CSNK1G3: variants seen among roughly 807,000 people sequenced by gnomAD.
CSNK1G3 encodes the protein casein kinase 1 gamma 3.
CSNK1G3 carries 23 observed loss-of-function variants against 64.3 expected under a neutral mutation model. That is an observed-to-expected ratio of 0.36 (90% CI 0.26 to 0.51). The LOEUF (loss-of-function observed/expected upper bound fraction) is 0.51. Among genes scored for constraint, CSNK1G3 ranks in the 20% least tolerant of loss-of-function variants. The pLI, the probability that CSNK1G3 is intolerant of heterozygous loss-of-function variation, is 0.96. For missense variants in CSNK1G3, 357 were observed against 510.5 expected, an observed-to-expected ratio of 0.70 and a Z score of 2.90; for synonymous variants, 158 against 162.2, an observed-to-expected ratio of 0.97 and a Z score of 0.20.
chr5:123,569,325 T>A (rs370460220), intron 4 of CSNK1G3, among the ~76,000 whole-genome samples: 2 of 152,240 alleles, frequency 1.3e-5, no homozygotes, highest in African/African-American at 4.8e-5. Context: ...TTTTAAATTA[T>A]GAATATGCCT....
intron 3 of CSNK1G3, among the ~76,000 whole-genome samples, chr5:123,555,838 A>T (rs1263764342): frequency 1.5e-4 from 23 of 152,030 alleles, no homozygotes; most frequent in Admixed American, 1.5e-3. Flanking sequence ...ATTTAATTTC[A>T]TTTGTGATTG....
chr5:123,599,163 A>C (rs932089329), intron 10 of CSNK1G3, among the ~76,000 whole-genome samples: 1 of 152,200 alleles, frequency 6.6e-6, no homozygotes, highest in African/African-American at 2.4e-5. Context: ...ATATAGAGGC[A>C]ACTGTAAGCA....
intron 4 of CSNK1G3, among the ~76,000 whole-genome samples, chr5:123,569,597 GC>G (rs1561540219): frequency 6.6e-6 from 1 of 152,056 alleles, no homozygotes; most frequent in Non-Finnish European, 1.5e-5. Flanking sequence ...ATCAGAACAA[GC>G]TTTTAAGTAT....
rs189284997 is a variant in CSNK1G3, at chr5:123,554,226, C to T, written c.219+1079C>T. 5.9e-5 allele frequency among the ~76,000 whole-genome samples: 9 copies of T among 152,280 alleles called. No individual in the cohort carries two copies. The East Asian group carries it at 1.7e-3, about 29-fold the overall frequency. ...CCATGAAGAGAGATTGGTTGGCTGA[C>T]ATGTGGCTTTAGACTGGATTTTACC... On this transcript the variant is annotated intron_variant, in intron 3 of 12. Coordinates refer to ENST00000345990, the Ensembl canonical transcript of CSNK1G3.
intron 12 of CSNK1G3, among the ~76,000 whole-genome samples, chr5:123,609,738 T>C (rs963765357): frequency 1.3e-5 from 2 of 152,136 alleles, no homozygotes; most frequent in Non-Finnish European, 2.9e-5. Flanking sequence ...TTTTTCTTAC[T>C]TTTCCCTTCC....
intron 4 of CSNK1G3, among the ~76,000 whole-genome samples, chr5:123,566,965 C>A (rs1173444947): frequency 2.0e-5 from 3 of 152,132 alleles, no homozygotes; most frequent in Admixed American, 2.0e-4. Context: ...CGTTTTCTTG[C>A]TGCTGATAAA....
exon 2 of CSNK1G3, chr5:123,545,542 A>G (rs996471614): frequency 1.3e-4 from 97 of 738,184 alleles, no homozygotes; most frequent in Admixed American, 3.0e-5. Flanking sequence ...ACCTACTGCA[A>G]TTTGAATGTT....
intron 2 of CSNK1G3, among the ~76,000 whole-genome samples, chr5:123,548,799 G>A (rs1783083922): frequency 6.6e-6 from 1 of 151,982 alleles, no homozygotes; most frequent in South Asian, 2.1e-4. Context: ...CCTTAAGATG[G>A]GTTTACATCC....
intron 1 of CSNK1G3, among the ~76,000 whole-genome samples, chr5:123,514,429 G>C (rs906027201): frequency 6.6e-6 from 1 of 152,196 alleles, no homozygotes; most frequent in Admixed American, 6.5e-5. Flanking sequence ...GTGGAATCAA[G>C]GAATAGTTTA....
At chr5:123,573,944 G>T (rs1279290101) in intron 5 of CSNK1G3, among the ~76,000 whole-genome samples, 2 of 151,552 alleles carry the variant, frequency 1.3e-5, no homozygotes, top group Non-Finnish European at 2.9e-5. Flanking sequence ...CTGCCTCCCG[G>T]GTTCAAGCAA....
intron 4 of CSNK1G3, among the ~76,000 whole-genome samples, chr5:123,572,488 G>T (rs189197415): frequency 1.9e-3 from 282 of 152,154 alleles, no homozygotes; most frequent in African/African-American, 6.7e-3. Context: ...AATTTCTATG[G>T]GTCAGGAATA....
intron 6 of CSNK1G3, among the ~76,000 whole-genome samples, chr5:123,583,064 T>G (rs1581265442): frequency 6.6e-6 from 1 of 152,210 alleles, no homozygotes; most frequent in East Asian, 1.9e-4. Context: ...CGAGATCACC[T>G]TATGACCGTG....
chr5:123,529,376 T>C (rs1376431234), intron 1 of CSNK1G3, among the ~76,000 whole-genome samples: 1 of 152,164 alleles, frequency 6.6e-6, no homozygotes, highest in Non-Finnish European at 1.5e-5. Flanking sequence ...AATCAGCTGT[T>C]TTTTTGGTTT....
intron 10 of CSNK1G3, among the ~76,000 whole-genome samples, chr5:123,596,404 T>G (rs1202310786): frequency 1.3e-5 from 2 of 152,256 alleles, no homozygotes; most frequent in Non-Finnish European, 2.9e-5. Flanking sequence ...TATCTGTATA[T>G]GTTTACATGT....
intron 1 of CSNK1G3, among the ~76,000 whole-genome samples, chr5:123,538,763 A>G (rs1372932045): frequency 1.3e-5 from 2 of 152,186 alleles, no homozygotes; most frequent in Non-Finnish European, 1.5e-5. Flanking sequence ...CTTATTGTTC[A>G]GTTGCAGCGT....
At chr5:123,554,825 T>A (rs1373524234) in intron 3 of CSNK1G3, among the ~76,000 whole-genome samples, 1 of 152,208 alleles carries the variant, frequency 6.6e-6, no homozygotes, top group Non-Finnish European at 1.5e-5. Flanking sequence ...GCTTTGTATG[T>A]GAATGATAGT....
intron 10 of CSNK1G3, chr5:123,595,062 G>A (rs777493741): frequency 1.2e-6 from 2 of 1,613,640 alleles, no homozygotes; most frequent in South Asian, 1.1e-5. Context: ...GGGCAGCTTG[G>A]GACTCCCAGC....
chr5:123,562,332 C>A (rs186776940), intron 4 of CSNK1G3, among the ~76,000 whole-genome samples: 1 of 152,128 alleles, frequency 6.6e-6, no homozygotes, highest in South Asian at 2.1e-4. Flanking sequence ...TATTATTTGT[C>A]TATGTCTGTC....
At chr5:123,526,489 TTAAA>T (rs1380617530) in intron 1 of CSNK1G3, among the ~76,000 whole-genome samples, 13 of 152,196 alleles carry the variant, frequency 8.5e-5, no homozygotes, top group Non-Finnish European at 1.8e-4. Flanking sequence ...TATTTTTATA[TTAAA>T]TAGTTTTTCT....
Sources: gnomAD v4.1 joint callset for allele counts (sites outside exome capture counted in the v4.1 genomes callset) on GRCh38, gnomAD v4.1.1 for gene constraint, MANE v1.5 for transcripts, NCBI Gene and HGNC (gene_info 2026-07-23, HGNC 2026-07-21) for gene names.